The following MPRIP variants were observed in gnomAD, a reference collection of about 807,000 sequenced individuals.
The protein encoded by MPRIP is myosin phosphatase Rho interacting protein.
MPRIP carries 59 observed loss-of-function variants against 234.9 expected under a neutral mutation model. The observed-to-expected ratio is 0.25, with a 90% CI of 0.20 to 0.31. The LOEUF is 0.31. Among genes scored for constraint, MPRIP ranks in the 10% least tolerant of loss-of-function variants. The pLI is 1.00. For synonymous variants in MPRIP, 1,144 were observed against 1,263.9 expected (o/e 0.91, Z 2.01); for missense variants, 2,436 against 3,071.0 (o/e 0.79, Z 4.89).
chr17:17,101,654 G>A (rs1174102331), intron 3 of MPRIP, among the ~76,000 whole-genome samples: 2 of 152,236 alleles, frequency 1.3e-5, no homozygotes, highest in South Asian at 2.1e-4. Context: ...ACATTAAACA[G>A]TAGTGTAGAC....
chr17:17,050,188 G>A (rs911092283), intron 1 of MPRIP, among the ~76,000 whole-genome samples: 3 of 151,962 alleles, frequency 2.0e-5, no homozygotes, highest in Non-Finnish European at 2.9e-5. Flanking sequence ...GGTGGTGGGC[G>A]CCTGTAGTCC....
At position 17,159,202 on chromosome 17, in the gene MPRIP, A is replaced by G. The variant is rs557962548; in HGVS notation, c.2400+200A>G. Among the ~76,000 whole-genome samples the G allele has an allele frequency of 2.6e-5, 4 of 152,356 alleles. No individual in the cohort carries two copies. In the South Asian group the frequency reaches 6.2e-4, roughly 24 times the overall value. On this transcript the variant is annotated intron_variant, in intron 14 of 23. Transcript: ENST00000651222. Reference sequence around the variant, plus strand: ...GCTGTGGGAGCGTGCCAGTGCATGCAGGGCAGGGAAAGGGGCCTTCCAGGC... The same window carrying G: ...GCTGTGGGAGCGTGCCAGTGCATGCGGGGCAGGGAAAGGGGCCTTCCAGGC...
At chr17:17,047,591 A>G (rs545018747) in intron 1 of MPRIP, among the ~76,000 whole-genome samples, 5 of 152,304 alleles carry the variant, frequency 3.3e-5, no homozygotes, top group Non-Finnish European at 7.3e-5. Flanking sequence ...CAATCAAGGC[A>G]TTCTCTCCAG....
At chr17:17,178,765 A>G (rs2046311344) in intron 22 of MPRIP, 1 of 150,490 alleles carries the variant, frequency 6.6e-6, no homozygotes, top group African/African-American at 2.4e-5. Flanking sequence ...AAATACAAAA[A>G]AACTAGCTGG....
chr17:17,050,190 C>CT (rs1297473129), intron 1 of MPRIP, among the ~76,000 whole-genome samples: 1 of 151,982 alleles, frequency 6.6e-6, no homozygotes, highest in Non-Finnish European at 1.5e-5. Context: ...TGGTGGGCGC[C>CT]TGTAGTCCCA....
intron 19 of MPRIP, among the ~76,000 whole-genome samples, chr17:17,174,821 C>T (rs2046220621): frequency 6.6e-6 from 1 of 151,332 alleles, no homozygotes; most frequent in African/African-American, 2.4e-5. Flanking sequence ...AAAAGATTTG[C>T]TTGCTCCTTA....
Position 17,111,589 on chromosome 17 carries a change from G to C in MPRIP, c.268-15113G>C, listed in dbSNP as rs370899527. On this transcript the variant is annotated intron_variant, in intron 3 of 23. Coordinates refer to ENST00000651222, the MANE Select transcript of MPRIP (RefSeq NM_001364716.4). The stretch of plus-strand genomic sequence containing the variant: ...CAACGGGTGGCCCCTGAGAGACCAT[G>C]CTGGGGAACAGCTGTGGAGAGTGAA... 7.9e-5 allele frequency among the ~76,000 whole-genome samples: 12 copies of C among 152,350 alleles called. 1 individual carries two copies. The East Asian group carries it at 1.3e-3, about 17-fold the overall frequency.
intron 1 of MPRIP, among the ~76,000 whole-genome samples, chr17:17,051,785 A>G (rs530910675): frequency 1.3e-5 from 2 of 152,142 alleles, no homozygotes; most frequent in East Asian, 3.9e-4. Flanking sequence ...AATCTTCCAA[A>G]CCACTCACTG....
rs555252195 is a variant in MPRIP at position 17,109,955 on chromosome 17, T to A, written c.268-16747T>A. On this transcript the variant is annotated intron_variant, in intron 3 of 23. Transcript: ENST00000651222. Reference sequence around the variant, plus strand: ...ACTGTAATGTTGGATTATGGTGTAGTGTGGATGTTTGTCCCCTCCAAACCT... The same window carrying A: ...ACTGTAATGTTGGATTATGGTGTAGAGTGGATGTTTGTCCCCTCCAAACCT... Among the ~76,000 whole-genome samples, 11 of 152,190 alleles carry A rather than the reference T, an allele frequency of 7.2e-5. No homozygotes were observed. In the South Asian group the frequency reaches 2.1e-3, roughly 29 times the overall value.
At position 17,089,663 on chromosome 17, in the gene MPRIP, G is replaced by A. The variant is rs546069918; in HGVS notation, c.267+11587G>A. On this transcript the variant is annotated intron_variant, in intron 3 of 23. Coordinates refer to ENST00000651222, the MANE Select transcript of MPRIP (RefSeq NM_001364716.4). ...TCAGCAGGGCTAAGTAGGACTTGTG[G>A]GGGTGCTGCTAGGTGTGAGGTGTAG... Among the ~76,000 whole-genome samples the A allele has an allele frequency of 8.7e-4, 132 of 152,232 alleles. No individual in the cohort carries two copies. The Middle Eastern group carries it at 0.014, about 16-fold the overall frequency.
intron 5 of MPRIP, 64 bp downstream of exon 5, chr17:17,131,765 G>A: frequency 2.1e-6 from 3 of 1,446,500 alleles, no homozygotes; most frequent in African/African-American, 1.4e-5. Context: ...AGAAGTGAGG[G>A]CTCCCTGAGG....
At position 17,138,257 on chromosome 17, in the gene MPRIP, G is replaced by C; in HGVS notation, c.1078G>C (p.Ala360Pro). 3.8e-6 allele frequency: 2 copies of C among 528,280 alleles called. No individual in the cohort carries two copies. The highest frequency in any genetic ancestry group is 6.4e-6 in the Non-Finnish European group (2 of 312,794). 32.7% of individuals were successfully genotyped at this position (528,280 alleles called of 1,614,324 possible). A position where few individuals can be genotyped will look rare whatever the true frequency, so the allele number is the denominator to read the frequency against. Reference sequence around the variant, plus strand: ...GCGGGGGACAGAGAGACTGGGGAGCGCCTTTGCCTTTAAAGCCAGCAGGCA... The same window carrying C: ...GCGGGGGACAGAGAGACTGGGGAGCCCCTTTGCCTTTAAAGCCAGCAGGCA... ...RGRGTERLGS[A>P]FAFKASRQYA... Residue 360 changes from alanine (A) to proline (P), a missense_variant, in exon 7 of 24, where the codon GCC (alanine) becomes CCC (proline). By Grantham distance (27) the Ala-to-Pro change is conservative. Transcript: ENST00000651222. The surrounding 1 kb of genome is among the most constrained non-coding windows in gnomAD (Gnocchi z 5.8).
intron 3 of MPRIP, among the ~76,000 whole-genome samples, chr17:17,102,436 C>A (rs921712583): frequency 6.6e-6 from 1 of 152,234 alleles, no homozygotes; most frequent in African/African-American, 2.4e-5. Flanking sequence ...TGGTGCAGTG[C>A]GGAGCTGTCA....
intron 12 of MPRIP, among the ~76,000 whole-genome samples, chr17:17,153,693 G>A (rs2045660405): frequency 6.6e-6 from 1 of 151,706 alleles, no homozygotes; most frequent in Admixed American, 6.6e-5. Flanking sequence ...TACCCCTTTT[G>A]TTACTTCTGA....
intron 1 of MPRIP, among the ~76,000 whole-genome samples, chr17:17,045,153 G>C (rs930750554): frequency 2.6e-5 from 4 of 152,126 alleles, no homozygotes; most frequent in African/African-American, 9.7e-5. Context: ...ATTTTAGACC[G>C]TCAAAGCTGG....
At chr17:17,106,149 G>T (rs2144250568) in intron 3 of MPRIP, among the ~76,000 whole-genome samples, 1 of 152,340 alleles carries the variant, frequency 6.6e-6, no homozygotes, top group East Asian at 1.9e-4. Flanking sequence ...TTGCAGTGAG[G>T]CACGGGGTGG....
chr17:17,087,640 C>T (rs989344042), intron 3 of MPRIP, among the ~76,000 whole-genome samples: 5 of 152,232 alleles, frequency 3.3e-5, no homozygotes, highest in African/African-American at 4.8e-5. Context: ...GCATGCGGAG[C>T]ACCTTGCCCT....
At chr17:17,053,742 C>G (rs1270516020) in intron 1 of MPRIP, among the ~76,000 whole-genome samples, 3 of 152,202 alleles carry the variant, frequency 2.0e-5, no homozygotes, top group Admixed American at 2.0e-4. Context: ...GTCCCATGCC[C>G]ATTAAACAGA....
rs1051330359 is a variant in MPRIP, at chr17:17,185,608, C to T, written c.*714C>T. On this transcript the variant is annotated 3_prime_UTR_variant, in exon 24 of 24. Transcript: ENST00000651222. Reference sequence around the variant, plus strand: ...CCTTCCTTCCTTCCTCCGCTCGTTCCTTTCTTGGTCTCCAGTAACCCTGGT... The same window carrying T: ...CCTTCCTTCCTTCCTCCGCTCGTTCTTTTCTTGGTCTCCAGTAACCCTGGT... 1 of 455,734 alleles carries T rather than the reference C, an allele frequency of 2.2e-6. No homozygotes were observed. Among genetic ancestry groups the T allele is most frequent in the African/African-American group, 2.0e-5 (1 of 49,982 alleles). The allele number at this position is 455,734 out of a possible 1,614,324, so 28.2% of individuals were successfully genotyped here.
Sources: allele counts gnomAD v4.1 joint callset (sites outside exome capture counted in the v4.1 genomes callset), GRCh38; gene constraint gnomAD v4.1.1; non-coding constraint Gnocchi (gnomAD v3.1); transcripts MANE v1.5; gene names NCBI Gene and HGNC (gene_info 2026-07-23, HGNC 2026-07-21).